PDE10A: variants seen among roughly 807,000 people sequenced by gnomAD.
PDE10A encodes phosphodiesterase 10A.
Under a neutral mutation model 97.7 loss-of-function variants are expected in PDE10A, and 39 were observed. That is an observed-to-expected ratio of 0.40 (90% CI 0.31 to 0.52). PDE10A has a LOEUF of 0.52. PDE10A is among the 20% of genes least tolerant of loss of function. PDE10A has a pLI of 0.56. For missense variants in PDE10A, 731 were observed against 1,047.8 expected (o/e 0.70, Z 4.17); for synonymous variants, 371 against 376.8 (o/e 0.98, Z 0.18).
chr6:165,824,959 C>T (rs528454556), intron 1 of PDE10A, among the ~76,000 whole-genome samples: 24 of 129,762 alleles, frequency 1.8e-4, no homozygotes, highest in Admixed American at 1.0e-3. Context: ...GGTGAAACCC[C>T]GTCTCTACTA....
intron 1 of PDE10A, among the ~76,000 whole-genome samples, chr6:165,634,597 G>A (rs1368126358): frequency 2.6e-5 from 4 of 152,090 alleles, no homozygotes; most frequent in Non-Finnish European, 4.4e-5. Context: ...CAAACAAGAG[G>A]TAGGGAAGTA....
At chr6:165,396,963 T>C (rs890390613) in intron 13 of PDE10A, among the ~76,000 whole-genome samples, 1 of 152,228 alleles carries the variant, frequency 6.6e-6, no homozygotes, top group Non-Finnish European at 1.5e-5. Context: ...ATATTGTTAC[T>C]GTTCTTAACA....
chr6:165,362,738 C>A (rs1783503705), intron 18 of PDE10A, among the ~76,000 whole-genome samples: 1 of 152,094 alleles, frequency 6.6e-6, no homozygotes, highest in Admixed American at 6.5e-5. Context: ...TACCCTGACA[C>A]CAAAATAAGA....
At chr6:165,356,064 G>C (rs767002954) in intron 18 of PDE10A, among the ~76,000 whole-genome samples, 1 of 152,064 alleles carries the variant, frequency 6.6e-6, no homozygotes, top group Non-Finnish European at 1.5e-5. Flanking sequence ...CAAAGTGGGA[G>C]GTGCCACACA....
intron 1 of PDE10A, among the ~76,000 whole-genome samples, chr6:165,584,554 C>A (rs1051395839): frequency 6.6e-6 from 1 of 152,170 alleles, no homozygotes; most frequent in Non-Finnish European, 1.5e-5. Context: ...GGAGCCAGCA[C>A]CATTTTGTGT....
chr6:165,524,758 T>C (rs528793312), intron 2 of PDE10A, among the ~76,000 whole-genome samples: 1 of 152,264 alleles, frequency 6.6e-6, no homozygotes, highest in East Asian at 1.9e-4. Context: ...CAATGAAAGA[T>C]GCATGCACAG....
chr6:165,434,132 T>C (rs967955683), intron 6 of PDE10A, among the ~76,000 whole-genome samples: 2 of 152,070 alleles, frequency 1.3e-5, no homozygotes, highest in Non-Finnish European at 1.5e-5. Flanking sequence ...CAGGATGAAT[T>C]AGAACTTCAT....
At chr6:165,818,220 T>C (rs1320686689) in intron 1 of PDE10A, among the ~76,000 whole-genome samples, 1 of 150,416 alleles carries the variant, frequency 6.6e-6, no homozygotes, top group Admixed American at 6.6e-5. Flanking sequence ...TCCTCCTCCT[T>C]ATTCACCCGC....
chr6:165,576,337 G>C, intron 1 of PDE10A: 1 of 772,434 alleles, frequency 1.3e-6, no homozygotes, highest in Non-Finnish European at 2.4e-6. Context: ...CAGAGCTATA[G>C]AGTACTAGTT....
In PDE10A at chr6:165,882,912, G is replaced by T. The variant is rs958071249; in HGVS notation, c.-615+104617C>A. The stretch of plus-strand genomic sequence containing the variant: ...CCAGGAGCCAAGCTACAGAAGAAAA[G>T]AAAACTCACCTATCACAATTAGAAA... On this transcript the variant is annotated intron_variant, in intron 1 of 19. Coordinates refer to the PDE10A transcript ENST00000366882. 2.6e-5 allele frequency among the ~76,000 whole-genome samples: 4 copies of T among 152,142 alleles called. No homozygotes were observed. The South Asian group carries it at 8.3e-4, about 32-fold the overall frequency.
At chr6:165,438,175 TTTTTTAA>T (rs1340983505) in intron 5 of PDE10A, among the ~76,000 whole-genome samples, 1 of 152,132 alleles carries the variant, frequency 6.6e-6, no homozygotes, top group Non-Finnish European at 1.5e-5. Context: ...CAAAGACGCT[TTTTTTAA>T]TTTTTAATTT....
At chr6:165,477,588 T>G (rs1779368305) in intron 3 of PDE10A, among the ~76,000 whole-genome samples, 1 of 152,178 alleles carries the variant, frequency 6.6e-6, no homozygotes, top group African/African-American at 2.4e-5. Flanking sequence ...GTTTCAAAAG[T>G]GCATTTGACA....
At chr6:165,943,293 AG>A (rs1783632509) in intron 1 of PDE10A, among the ~76,000 whole-genome samples, 1 of 91,722 alleles carries the variant, frequency 1.1e-5, no homozygotes, top group African/African-American at 5.0e-5. Context: ...GAAAGAAAGA[AG>A]GAAAGAAAGA....
chr6:165,774,831 C>CTTTTTTTTTTTTTTTTTTTTTTTTTTT (rs5881660), intron 1 of PDE10A: 1 of 107,884 alleles, frequency 9.3e-6, no homozygotes, highest in South Asian at 3.0e-4. Context: ...ACTTTTTTTT[C>CTTTTTTTTTTTTTTTTTTTTTTTTTTT]TTTTTTTTTT....
At chr6:165,707,697 G>A (rs1270619986) in intron 1 of PDE10A, among the ~76,000 whole-genome samples, 1 of 151,926 alleles carries the variant, frequency 6.6e-6, no homozygotes, top group Non-Finnish European at 1.5e-5. Context: ...ATGTGTGTGA[G>A]TGTGTGAGAC....
chr6:165,734,350 G>A (rs1019258688), intron 1 of PDE10A, among the ~76,000 whole-genome samples: 5 of 152,130 alleles, frequency 3.3e-5, no homozygotes, highest in Admixed American at 6.5e-5. Flanking sequence ...AGAAAAAGAC[G>A]TCAGAGTAAA....
chr6:165,573,349 A>C (rs780133494), intron 1 of PDE10A, among the ~76,000 whole-genome samples: 4 of 151,662 alleles, frequency 2.6e-5, no homozygotes, highest in Non-Finnish European at 5.9e-5. Flanking sequence ...AGTCTTGAAC[A>C]GTTCCATCTC....
intron 1 of PDE10A, among the ~76,000 whole-genome samples, chr6:165,553,082 C>G (rs1430290355): frequency 6.6e-6 from 1 of 152,182 alleles, no homozygotes; most frequent in Non-Finnish European, 1.5e-5. Flanking sequence ...CTTCTATCTT[C>G]ACTTTCCTTT....
At chr6:165,342,256 A>T (rs1023307122) in intron 19 of PDE10A, among the ~76,000 whole-genome samples, 1 of 152,170 alleles carries the variant, frequency 6.6e-6, no homozygotes, top group Non-Finnish European at 1.5e-5. Context: ...CAATATATTT[A>T]TTGAAAAATA....
Sources: allele counts gnomAD v4.1 joint callset (sites outside exome capture counted in the v4.1 genomes callset), GRCh38; gene constraint gnomAD v4.1.1; transcripts MANE v1.5; gene names NCBI Gene and HGNC (gene_info 2026-07-23, HGNC 2026-07-21).